SUSD5: variants seen among roughly 807,000 people sequenced by gnomAD.
SUSD5 encodes the protein sushi domain-containing protein 5.
Under a neutral mutation model 29.5 loss-of-function variants are expected in SUSD5, and 33 were observed. The observed-to-expected ratio is 1.12, with a 90% CI of 0.85 to 1.49. The LOEUF (loss-of-function observed/expected upper bound fraction) is 1.49, where lower values mean the gene tolerates loss of function less well. Among genes scored for constraint, SUSD5 ranks in the 40% most tolerant of loss-of-function variants. The pLI, the probability that SUSD5 is intolerant of heterozygous loss-of-function variation, is 0.00. For synonymous variants in SUSD5, 308 were observed against 325.3 expected, an observed-to-expected ratio of 0.95 and a Z score of 0.57; for missense variants, 776 against 800.6, an observed-to-expected ratio of 0.97 and a Z score of 0.37.
intron 1 of SUSD5, among the ~76,000 whole-genome samples, chr3:33,215,234 C>A (rs6799838): frequency 0.013 from 1,963 of 152,116 alleles, 42 homozygotes; most frequent in African/African-American, 0.045. Flanking sequence ...AAACTACTAT[C>A]CCTCTCAGTA....
intron 1 of SUSD5, among the ~76,000 whole-genome samples, chr3:33,217,887 T>C (rs975318051): frequency 2.0e-5 from 3 of 152,216 alleles, no homozygotes; most frequent in African/African-American, 7.2e-5. Context: ...GATGCTCCTG[T>C]ACCAAGTCAG....
intron 2 of SUSD5, among the ~76,000 whole-genome samples, chr3:33,213,720 G>C (rs1283585643): frequency 2.0e-5 from 3 of 152,114 alleles, no homozygotes; most frequent in Non-Finnish European, 4.4e-5. Context: ...GTTGCAGTGA[G>C]CCTAGATTGC....
chr3:33,184,087 A>G (rs1007228980), intron 3 of SUSD5, among the ~76,000 whole-genome samples: 2 of 151,012 alleles, frequency 1.3e-5, no homozygotes, highest in Admixed American at 6.6e-5. Flanking sequence ...ACAGGCACAC[A>G]CCACCACACC....
At chr3:33,198,684 TG>T (rs2032043149) in intron 3 of SUSD5, among the ~76,000 whole-genome samples, 1 of 152,208 alleles carries the variant, frequency 6.6e-6, no homozygotes, top group African/African-American at 2.4e-5. Flanking sequence ...CCCTCTCACC[TG>T]AAACCATCTA....
intron 2 of SUSD5, among the ~76,000 whole-genome samples, chr3:33,208,897 A>G (rs1456114932): frequency 6.6e-6 from 1 of 152,158 alleles, no homozygotes; most frequent in Non-Finnish European, 1.5e-5. Flanking sequence ...CAATTGGTCC[A>G]CATATTTACT....
In SUSD5 at chr3:33,151,057, C is replaced by CTTGTG. The variant is rs2030863625; in HGVS notation, c.*1684_*1685insCACAA. On this transcript the variant is annotated 3_prime_UTR_variant, in exon 5 of 5. Transcript: ENST00000309558. ...CTCAGCTGCACACAGCCATGCCTGA[C>CTTGTG]TTCCACACAACACACACCACATACT... The CTTGTG allele has an allele frequency of 2.0e-5, 3 of 152,326 alleles. No homozygotes were observed. Among genetic ancestry groups the CTTGTG allele is most frequent in the Non-Finnish European group, 2.9e-5 (2 of 68,054 alleles). 9.4% of individuals were successfully genotyped at this position (152,326 alleles called of 1,614,324 possible).
chr3:33,216,317 CCAAA>C (rs948081137), intron 1 of SUSD5, among the ~76,000 whole-genome samples: 2 of 152,040 alleles, frequency 1.3e-5, no homozygotes, highest in African/African-American at 4.8e-5. Flanking sequence ...TCTTTATCTA[CCAAA>C]CAAATTAAAT....
intron 4 of SUSD5, among the ~76,000 whole-genome samples, chr3:33,162,511 C>T (rs528181976): frequency 3.5e-4 from 53 of 151,994 alleles, no homozygotes; most frequent in Non-Finnish European, 6.5e-4. Context: ...TTTGAACTGA[C>T]GAGTAAGGTT....
chr3:33,216,612 A>AT (rs2032431769), intron 1 of SUSD5, among the ~76,000 whole-genome samples: 1 of 152,054 alleles, frequency 6.6e-6, no homozygotes, highest in Non-Finnish European at 1.5e-5. Context: ...TTGCTGTAAA[A>AT]TTTTTCCTTA....
At chr3:33,200,027 C>A (rs2032079818) in intron 3 of SUSD5, among the ~76,000 whole-genome samples, 1 of 152,170 alleles carries the variant, frequency 6.6e-6, no homozygotes, top group South Asian at 2.1e-4. Context: ...CAATAAGTTT[C>A]TGTTTATTAT....
At chr3:33,157,985 G>GC (rs1163731368) in intron 4 of SUSD5, among the ~76,000 whole-genome samples, 1 of 115,416 alleles carries the variant, frequency 8.7e-6, no homozygotes, top group Admixed American at 9.1e-5. Flanking sequence ...TGAGCTGCTT[G>GC]GGGAGCAGGC....
At chr3:33,207,011 A>G (rs2125632128) in intron 3 of SUSD5, among the ~76,000 whole-genome samples, 1 of 151,700 alleles carries the variant, frequency 6.6e-6, no homozygotes, top group East Asian at 1.9e-4. Flanking sequence ...CCCCATTCAC[A>G]TGAATATTCC....
intron 3 of SUSD5, among the ~76,000 whole-genome samples, chr3:33,183,252 G>C (rs2031709679): frequency 6.6e-6 from 1 of 151,946 alleles, no homozygotes; most frequent in African/African-American, 2.4e-5. Flanking sequence ...GATATAATTG[G>C]ATAACCACTA....
At chr3:33,199,613 A>G (rs1175461268) in intron 3 of SUSD5, among the ~76,000 whole-genome samples, 1 of 152,234 alleles carries the variant, frequency 6.6e-6, no homozygotes, top group Non-Finnish European at 1.5e-5. Flanking sequence ...TATACTATAC[A>G]TATTCTGAGA....
chr3:33,195,743 T>C (rs1351999995), intron 3 of SUSD5, among the ~76,000 whole-genome samples: 2 of 77,114 alleles, frequency 2.6e-5, no homozygotes, highest in South Asian at 1.0e-3. Flanking sequence ...GCCATATAAA[T>C]GAAAAAAAAA....
At chr3:33,157,991 C>T (rs1044735515) in intron 4 of SUSD5, among the ~76,000 whole-genome samples, 5 of 151,182 alleles carry the variant, frequency 3.3e-5, no homozygotes, top group African/African-American at 1.2e-4. Flanking sequence ...GCTTGGGGAG[C>T]AGGCCCCAAG....
rs2030976824 is a variant in SUSD5 at position 33,153,749 on chromosome 3, A to G, written c.883T>C (p.Trp295Arg). The G allele has an allele frequency of 1.9e-6, 3 of 1,613,952 alleles. No individual in the cohort carries two copies. The highest frequency in any genetic ancestry group is 2.5e-6 in the Non-Finnish European group (3 of 1,179,910). ...TTGTGGAAAGCCTCAGCAGGAAACC[A>G]GAACAAGTGCTTCTGGAGCAGCCGT... ...GSRLLQKHLFWFPAEAFHKPG... is the reference protein window; with the variant it reads ...GSRLLQKHLFRFPAEAFHKPG... The change falls in exon 5 of 5, where the codon TGG becomes CGG. Residue 295 changes from tryptophan (W) to arginine (R), a missense_variant. Transcript: ENST00000309558.
intron 2 of SUSD5, among the ~76,000 whole-genome samples, chr3:33,211,197 T>C (rs957718909): frequency 1.3e-5 from 2 of 152,226 alleles, no homozygotes; most frequent in African/African-American, 2.4e-5. Context: ...CCCAGCTGTA[T>C]GTTTTCTTTG....
At chr3:33,208,606 TG>T (rs2032267609) in intron 2 of SUSD5, among the ~76,000 whole-genome samples, 1 of 152,172 alleles carries the variant, frequency 6.6e-6, no homozygotes, top group African/African-American at 2.4e-5. Context: ...TTTCCCACTT[TG>T]GGTTATCTGA....
Sources: gnomAD v4.1 joint callset for allele counts (sites outside exome capture counted in the v4.1 genomes callset) on GRCh38, gnomAD v4.1.1 for gene constraint, MANE v1.5 for transcripts, NCBI Gene and HGNC (gene_info 2026-07-23, HGNC 2026-07-21) for gene names.